Variants in EIF4G3 observed in about 807,000 individuals in gnomAD.
EIF4G3 encodes the protein eIF-4-gamma 3.
A neutral mutation model predicts 186.4 loss-of-function variants in EIF4G3; 34 were observed. The observed-to-expected ratio is 0.18, with a 90% confidence interval of 0.14 to 0.24. The LOEUF is 0.24. Among genes scored for constraint, EIF4G3 ranks in the 10% least tolerant of loss-of-function variants. EIF4G3 has a pLI of 1.00. For missense variants in EIF4G3, 1,536 were observed against 1,948.5 expected, an observed-to-expected ratio of 0.79 and a Z score of 3.99; for synonymous variants, 673 against 679.5, an observed-to-expected ratio of 0.99 and a Z score of 0.15.
At chr1:21,046,065 T>C (rs2093868784) in intron 4 of EIF4G3, among the ~76,000 whole-genome samples, 1 of 152,204 alleles carries the variant, frequency 6.6e-6, no homozygotes, top group South Asian at 2.1e-4. Flanking sequence ...CCTGACTCCC[T>C]AGAGTGCACT....
chr1:20,979,654 C>G (rs1459094020), intron 10 of EIF4G3, among the ~76,000 whole-genome samples: 6 of 152,132 alleles, frequency 3.9e-5, no homozygotes, highest in Admixed American at 1.3e-4. Context: ...AAACATGATT[C>G]TTTCCAGTAG....
rs368880630 is a variant in EIF4G3 at position 21,125,698 on chromosome 1, A to G, written c.-271-36485T>C. On this transcript the variant is annotated intron_variant, in intron 2 of 36. Coordinates refer to ENST00000602326, the MANE Select transcript of EIF4G3 (RefSeq NM_001391906.1). ...TGTGCCATTGCACTCCAGCCTGGGCAATAGAGCAAGACTCTGTATCGAAAA... is the reference window on the plus strand; with the variant it reads ...TGTGCCATTGCACTCCAGCCTGGGCGATAGAGCAAGACTCTGTATCGAAAA... Among the ~76,000 whole-genome samples the G allele has an allele frequency of 2.0e-5, 3 of 151,558 alleles. No homozygotes were observed. In the East Asian group the frequency reaches 5.8e-4, roughly 29 times the overall value.
At chr1:20,887,617 G>GT (rs2084631461) in intron 18 of EIF4G3, among the ~76,000 whole-genome samples, 1 of 150,566 alleles carries the variant, frequency 6.6e-6, no homozygotes, top group Admixed American at 6.7e-5. Context: ...TAAGGATACA[G>GT]TACTGATGAT....
At chr1:20,813,358 G>A (rs2059635834) in intron 34 of EIF4G3, 119 bp from the exon 35 acceptor site, 5 of 403,994 alleles carry the variant, frequency 1.2e-5, no homozygotes, top group Non-Finnish European at 9.4e-6. Context: ...GAGGCTAGGA[G>A]TTGAGACCAG....
intron 4 of EIF4G3, among the ~76,000 whole-genome samples, chr1:21,003,088 T>C (rs888577631): frequency 1.3e-5 from 2 of 151,010 alleles, no homozygotes; most frequent in Admixed American, 6.6e-5. Context: ...CTCAAACTCA[T>C]GGTTTTAAGT....
intron 2 of EIF4G3, among the ~76,000 whole-genome samples, chr1:21,096,965 ATGG>A (rs1223085374): frequency 1.3e-5 from 2 of 152,218 alleles, no homozygotes; most frequent in African/African-American, 2.4e-5. Flanking sequence ...TTGAACATGA[ATGG>A]TGGTTATGAC....
chr1:20,858,881 C>A (rs868061691), intron 24 of EIF4G3, among the ~76,000 whole-genome samples: 9 of 152,262 alleles, frequency 5.9e-5, no homozygotes, highest in Non-Finnish European at 1.2e-4. Flanking sequence ...CCTGTAATCC[C>A]AGCCACTCGG....
At chr1:20,844,977 T>C (rs1247247440) in intron 29 of EIF4G3, among the ~76,000 whole-genome samples, 2 of 152,234 alleles carry the variant, frequency 1.3e-5, no homozygotes, top group African/African-American at 4.8e-5. Flanking sequence ...ATAGTTTAAT[T>C]AGATCCCATT....
At position 20,812,569 on chromosome 1, in the gene EIF4G3, T is replaced by A. The variant is rs527596385; in HGVS notation, c.4597+589A>T. On this transcript the variant is annotated intron_variant, in intron 35 of 36. Coordinates refer to ENST00000602326, the MANE Select transcript of EIF4G3 (RefSeq NM_001391906.1). ...TCAGTGACAGAAGTATGAATTTCTATCTGAAACTAAAGAGATGTCTTCATT... is the reference window on the plus strand; with the variant it reads ...TCAGTGACAGAAGTATGAATTTCTAACTGAAACTAAAGAGATGTCTTCATT... 1.3e-4 allele frequency among the ~76,000 whole-genome samples: 20 copies of A among 152,312 alleles called. No homozygotes were observed. The East Asian group carries it at 3.3e-3, about 25-fold the overall frequency.
intron 3 of EIF4G3, among the ~76,000 whole-genome samples, chr1:21,051,326 A>C (rs2094200943): frequency 6.6e-6 from 1 of 152,190 alleles, no homozygotes; most frequent in Non-Finnish European, 1.5e-5. Context: ...ACAGAAAAGA[A>C]ATAAATGGTT....
chr1:20,879,228 T>C, intron 20 of EIF4G3, 95 bp downstream of exon 20: 1 of 903,088 alleles, frequency 1.1e-6, no homozygotes, highest in Non-Finnish European at 1.6e-6. Context: ...TTCTCCCCTT[T>C]ATGTTGCCCC....
chr1:21,149,680 T>C (rs1169238939), intron 2 of EIF4G3, among the ~76,000 whole-genome samples: 2 of 152,114 alleles, frequency 1.3e-5, no homozygotes, highest in African/African-American at 4.8e-5. Flanking sequence ...ACTCCCCATC[T>C]CTCACCTTAA....
At chr1:20,918,089 T>A (rs10157616) in intron 14 of EIF4G3, among the ~76,000 whole-genome samples, 28 of 152,232 alleles carry the variant, frequency 1.8e-4, no homozygotes, top group Non-Finnish European at 2.9e-4. Flanking sequence ...AAGGTAATAT[T>A]CCTCTCTCCC....
chr1:20,820,656 G>C (rs966464880), intron 33 of EIF4G3, among the ~76,000 whole-genome samples: 2 of 152,114 alleles, frequency 1.3e-5, no homozygotes, highest in African/African-American at 4.8e-5. Context: ...TGGACCAATT[G>C]GCATGCATTT....
chr1:20,916,574 T>C (rs1340770550), intron 14 of EIF4G3, among the ~76,000 whole-genome samples: 1 of 151,698 alleles, frequency 6.6e-6, no homozygotes, highest in East Asian at 1.9e-4. Context: ...TTCAACTGTC[T>C]TTTTTTTGCA....
chr1:21,117,252 A>T (rs1171924124), intron 2 of EIF4G3, among the ~76,000 whole-genome samples: 4 of 152,084 alleles, frequency 2.6e-5, no homozygotes, highest in African/African-American at 9.7e-5. Context: ...TAAAAACATT[A>T]ATATTTTCAA....
At chr1:20,828,208 T>C (rs1557813138) in intron 31 of EIF4G3, among the ~76,000 whole-genome samples, 1 of 151,986 alleles carries the variant, frequency 6.6e-6, no homozygotes, top group Non-Finnish European at 1.5e-5. Context: ...AATTTTTGCA[T>C]TTTAGTAGAG....
chr1:21,038,904 C>T (rs1173625419), intron 4 of EIF4G3, among the ~76,000 whole-genome samples: 1 of 152,008 alleles, frequency 6.6e-6, no homozygotes, highest in Non-Finnish European at 1.5e-5. Context: ...ACACAGAATC[C>T]TATAAAAATC....
intron 14 of EIF4G3, among the ~76,000 whole-genome samples, chr1:20,929,953 T>G (rs948465996): frequency 6.6e-6 from 1 of 152,202 alleles, no homozygotes; most frequent in Non-Finnish European, 1.5e-5. Context: ...TTCCAGATCA[T>G]GGCAATGAAG....
Sources: allele counts gnomAD v4.1 joint callset (sites outside exome capture counted in the v4.1 genomes callset), GRCh38; gene constraint gnomAD v4.1.1; transcripts MANE v1.5; gene names NCBI Gene and HGNC (gene_info 2026-07-23, HGNC 2026-07-21).